Variants in TECTA observed in about 807,000 individuals in gnomAD.
TECTA encodes the protein tectorin alpha.
In TECTA, 128 loss-of-function variants were observed where a neutral mutation model predicts 216.8. The observed-to-expected ratio is 0.59, with a 90% CI of 0.51 to 0.68. The LOEUF (loss-of-function observed/expected upper bound fraction) is 0.68, where lower values mean the gene tolerates loss of function less well. Among genes scored for constraint, TECTA ranks in the 30% least tolerant of loss-of-function variants. The probability of loss-of-function intolerance (pLI) is 0.00; values close to 1 mark genes in which losing one functional copy is unlikely to be tolerated. For missense variants in TECTA, 2,551 were observed against 2,786.2 expected, an observed-to-expected ratio of 0.92 and a Z score of 1.90; for synonymous variants, 1,089 against 1,117.1, an observed-to-expected ratio of 0.97 and a Z score of 0.50.
chr11:121,166,712 A>G lies in TECTA; in HGVS notation c.5518A>G (p.Ile1840Val), dbSNP rs1200213768. The G allele has an allele frequency of 1.2e-6, 2 of 1,614,232 alleles. No homozygotes were observed. The highest frequency in any genetic ancestry group is 3.3e-5 in the Admixed American group (2 of 60,032). ...VRINDRQCTG[I>V]EGEDFISFQI... ...GATCAATGACAGACAGTGCACCGGC[A>G]TCGAGGGGGAAGATTTTATCTCCTT... Residue 1840 changes from isoleucine (I) to valine (V), a missense_variant, in exon 18 of 24, where the codon ATC becomes GTC. By Grantham distance (29) the Ile-to-Val change is conservative. Around this residue, in one of 3 missense-constraint regions of TECTA, gnomAD observed 2,375 missense variants for 2,563.9 expected, o/e 0.93. Coordinates refer to ENST00000392793, the MANE Select transcript of TECTA (RefSeq NM_005422.4).
chr11:121,178,746 G>A (rs770754172), intron 20 of TECTA, among the ~76,000 whole-genome samples: 22 of 152,114 alleles, frequency 1.4e-4, no homozygotes, highest in Admixed American at 1.2e-3. Context: ...TTTGCTGAGA[G>A]ACATTTTGTT....
Position 121,187,943 on chromosome 11 carries a change from C to T in TECTA, c.6111C>T (p.His2037=). 1 of 1,614,266 alleles carries T rather than the reference C, an allele frequency of 6.2e-7. No homozygotes were observed. Among genetic ancestry groups the T allele is most frequent in the Non-Finnish European group, 8.5e-7 (1 of 1,180,046 alleles). ...TCATAGGGGATTACGACGAAGTTCACCTTCACTGTGCAGTGTCACTCTGCG... is the reference window on the plus strand; with the variant it reads ...TCATAGGGGATTACGACGAAGTTCATCTTCACTGTGCAGTGTCACTCTGCG... ...FKFIGDYDEV[H]LHCAVSLCDS... The change falls in exon 21 of 24, where the codon CAC becomes CAT. Residue 2037 remains histidine (H), a synonymous_variant. Transcript: ENST00000392793.
At chr11:121,116,803 A>T (rs775121745) in intron 6 of TECTA, among the ~76,000 whole-genome samples, 1 of 152,234 alleles carries the variant, frequency 6.6e-6, no homozygotes, top group Non-Finnish European at 1.5e-5. Context: ...AGCCTGAAAA[A>T]GCAGGGCCTG....
intron 11 of TECTA, among the ~76,000 whole-genome samples, chr11:121,141,625 C>T (rs1156295534): frequency 6.6e-6 from 1 of 152,208 alleles, no homozygotes; most frequent in Non-Finnish European, 1.5e-5. Context: ...CAGGCTTCAT[C>T]GCAGCCAAGT....
Position 121,113,719 on chromosome 11 carries a change from G to A in TECTA, c.790+1G>A. 1 of 1,613,314 alleles carries A rather than the reference G, an allele frequency of 6.2e-7. No homozygotes were observed. The highest frequency in any genetic ancestry group is 8.5e-7 in the Non-Finnish European group (1 of 1,179,968). On this transcript the variant is annotated splice_donor_variant, in intron 6 of 23. Transcript: ENST00000392793. LOFTEE classifies it high-confidence loss of function. This position sits in a 1 kb window ranked among gnomAD's most constrained non-coding sequence, Gnocchi z 4.2. ...CCAGCCAATGGCTGCACCTCAAGGGGTAAAGCTTTTCCTCTGTCTGTGGCA... is the reference window on the plus strand; with the variant it reads ...CCAGCCAATGGCTGCACCTCAAGGGATAAAGCTTTTCCTCTGTCTGTGGCA...
At chr11:121,144,116 G>C (rs1946811397) in intron 11 of TECTA, among the ~76,000 whole-genome samples, 1 of 152,146 alleles carries the variant, frequency 6.6e-6, no homozygotes, top group Non-Finnish European at 1.5e-5. Context: ...GTCACAGCTT[G>C]GTTCATTTAG....
At chr11:121,134,977 G>A (rs1047979091) in intron 10 of TECTA, among the ~76,000 whole-genome samples, 16 of 152,186 alleles carry the variant, frequency 1.1e-4, no homozygotes, top group Non-Finnish European at 1.6e-4. Context: ...GGAAGATGTG[G>A]GCAGAAGCAG....
chr11:121,134,349 G>GCA (rs1359541064), intron 10 of TECTA, among the ~76,000 whole-genome samples: 146 of 41,580 alleles, frequency 3.5e-3, no homozygotes, highest in Non-Finnish European at 4.8e-3. Flanking sequence ...ACACACACAC[G>GCA]CACACACTTC....
chr11:121,183,354 G>C (rs930965279), intron 20 of TECTA, among the ~76,000 whole-genome samples: 1 of 152,088 alleles, frequency 6.6e-6, no homozygotes, highest in Non-Finnish European at 1.5e-5. Flanking sequence ...TCCTTCTCTG[G>C]AACAATACTG....
In TECTA at chr11:121,166,795, A is replaced by T; in HGVS notation, c.5586+15A>T. ...ACATTGTGCAGGTGAGAAAAGCAGC[A>T]GGAAAGAGCACCTGGCAGAGGCAGC... On this transcript the variant is annotated intron_variant, in intron 18 of 23. Coordinates refer to ENST00000392793, the MANE Select transcript of TECTA (RefSeq NM_005422.4). 6.2e-7 allele frequency: 1 copy of T among 1,613,056 alleles called. No individual in the cohort carries two copies. The highest frequency in any genetic ancestry group is 8.5e-7 in the Non-Finnish European group (1 of 1,179,962).
At chr11:121,142,113 C>T (rs1200123720) in intron 11 of TECTA, among the ~76,000 whole-genome samples, 1 of 152,112 alleles carries the variant, frequency 6.6e-6, no homozygotes, top group Non-Finnish European at 1.5e-5. Context: ...GTGAGGGATG[C>T]AAGGAGACTT....
At position 121,166,718 on chromosome 11, in the gene TECTA, G is replaced by A. The variant is rs1471942502; in HGVS notation, c.5524G>A (p.Gly1842Arg). The A allele has an allele frequency of 1.9e-6, 3 of 1,614,086 alleles. No individual in the cohort carries two copies. The highest frequency in any genetic ancestry group is 2.7e-5 in the African/African-American group (2 of 74,924). Residue 1842 changes from glycine (G) to arginine (R), a missense_variant, in exon 18 of 24, where the codon GGG becomes AGG. Physicochemically the swap from Gly to Arg is moderately radical, Grantham distance 125. Around this residue, in one of 3 missense-constraint regions of TECTA, gnomAD observed 2,375 missense variants for 2,563.9 expected, o/e 0.93. Transcript: ENST00000392793. ...TGACAGACAGTGCACCGGCATCGAG[G>A]GGGAAGATTTTATCTCCTTTCAGAT... ...INDRQCTGIE[G>R]EDFISFQINN...
At chr11:121,155,027 A>C (rs896504654) in intron 13 of TECTA, among the ~76,000 whole-genome samples, 1 of 152,242 alleles carries the variant, frequency 6.6e-6, no homozygotes, top group Non-Finnish European at 1.5e-5. Flanking sequence ...TTTTGACAAC[A>C]GCTTACATCC....
intron 21 of TECTA, 134 bp from the exon 22 acceptor site, chr11:121,188,945 CA>C: frequency 1.2e-6 from 1 of 805,520 alleles, no homozygotes; most frequent in Non-Finnish European, 2.1e-6. Context: ...ATCAAGAATG[CA>C]TTGGTTCTAA....
chr11:121,181,450 A>AATTATT (rs60183386), intron 20 of TECTA, among the ~76,000 whole-genome samples: 8,909 of 148,220 alleles, frequency 0.06, 315 homozygotes, highest in East Asian at 0.13. Flanking sequence ...GTTGCTGGAG[A>AATTATT]ATTATTATTA....
At chr11:121,149,403 T>C (rs1219979092) in intron 12 of TECTA, among the ~76,000 whole-genome samples, 2 of 152,234 alleles carry the variant, frequency 1.3e-5, no homozygotes, top group Non-Finnish European at 2.9e-5. Flanking sequence ...TAAATTCCTG[T>C]TGAATAATTG....
intron 10 of TECTA, among the ~76,000 whole-genome samples, chr11:121,130,749 T>G (rs1453533043): frequency 6.6e-6 from 1 of 152,196 alleles, no homozygotes; most frequent in Admixed American, 6.5e-5. Flanking sequence ...GAAAACTTTC[T>G]GGGAAGACCT....
chr11:121,189,666 G>T, intron 22 of TECTA, 98 bp from the exon 23 acceptor site: 3 of 1,217,216 alleles, frequency 2.5e-6, no homozygotes, highest in Admixed American at 1.7e-5. Flanking sequence ...GAGCCACCGC[G>T]CCCAGCCTGT....
Position 121,137,722 on chromosome 11 carries a change from G to A in TECTA, c.3243G>A (p.Glu1081=), listed in dbSNP as rs150074181. The A allele has an allele frequency of 6.8e-6, 11 of 1,614,030 alleles. No homozygotes were observed. The highest frequency in any genetic ancestry group is 9.3e-6 in the Non-Finnish European group (11 of 1,180,044). ...HCETIPCKDD[E]YCMEEGGLYY... The stretch of plus-strand genomic sequence containing the variant: ...AGACCATTCCCTGCAAGGATGATGA[G>A]TACTGCATGGAGGAAGGTGGCCTGT... Residue 1081 remains glutamate (E), a synonymous_variant, in exon 11 of 24, where the codon GAG becomes GAA. Transcript: ENST00000392793.
Sources: allele counts gnomAD v4.1 joint callset (sites outside exome capture counted in the v4.1 genomes callset), GRCh38; gene constraint gnomAD v4.1.1; regional missense constraint gnomAD v4.1.1; non-coding constraint Gnocchi (gnomAD v3.1); transcripts MANE v1.5; gene names NCBI Gene and HGNC (gene_info 2026-07-23, HGNC 2026-07-21).